Variants in LGSN observed in about 807,000 individuals in gnomAD.
The protein encoded by LGSN is lengsin, lens protein with glutamine synthetase domain, also known as lengsin.
In LGSN, 21 loss-of-function variants were observed where a neutral mutation model predicts 19.5. That is an observed-to-expected ratio of 1.07 (90% confidence interval 0.76 to 1.55). LGSN has a LOEUF of 1.55. LGSN is among the 40% of genes most tolerant of loss of function. LGSN has a pLI of 0.00. For missense variants in LGSN, 673 were observed against 608.5 expected, an observed-to-expected ratio of 1.11 and a Z score of -1.12; for synonymous variants, 257 against 215.6, an observed-to-expected ratio of 1.19 and a Z score of -1.68.
chr6:63,518,482 A>G, the LGSN span, among the ~76,000 whole-genome samples: 1 of 152,250 alleles, frequency 6.6e-6, no homozygotes, highest in Non-Finnish European at 1.5e-5. Flanking sequence ...GTAAAGGATA[A>G]CAACCATAGT....
At chr6:63,394,798 C>A in the LGSN span, among the ~76,000 whole-genome samples, 5 of 152,204 alleles carry the variant, frequency 3.3e-5, no homozygotes, top group Admixed American at 1.3e-4. Context: ...CCAGGACTGC[C>A]GGGTGCTGGC....
chr6:63,443,531 G>C, the LGSN span: 1 of 730,216 alleles, frequency 1.4e-6, no homozygotes, highest in Admixed American at 4.9e-5. Flanking sequence ...GTGACAATGT[G>C]GTCCAGGGTC....
At chr6:63,517,350 A>T in the LGSN span, among the ~76,000 whole-genome samples, 6 of 152,204 alleles carry the variant, frequency 3.9e-5, no homozygotes, top group African/African-American at 1.4e-4. Flanking sequence ...ACAGACCTGG[A>T]ATAGCTCCTA....
At chr6:63,373,222 T>C in the LGSN span, among the ~76,000 whole-genome samples, 1 of 152,282 alleles carries the variant, frequency 6.6e-6, no homozygotes, top group African/African-American at 2.4e-5. Flanking sequence ...GAGTGCTCAA[T>C]TAAGAAATGA....
At chr6:63,406,822 G>T in the LGSN span, among the ~76,000 whole-genome samples, 1 of 147,598 alleles carries the variant, frequency 6.8e-6, no homozygotes, top group Non-Finnish European at 1.5e-5. Context: ...TCAAATAGAC[G>T]CAATAAAAAA....
the LGSN span, among the ~76,000 whole-genome samples, chr6:63,483,101 G>C: frequency 1.3e-5 from 2 of 152,154 alleles, no homozygotes; most frequent in African/African-American, 4.8e-5. Flanking sequence ...CATCTCTATT[G>C]GGAATGCTTT....
At chr6:63,469,487 A>G in the LGSN span, among the ~76,000 whole-genome samples, 1 of 152,220 alleles carries the variant, frequency 6.6e-6, no homozygotes, top group East Asian at 1.9e-4. Flanking sequence ...CCAATATTCA[A>G]GACATGGTGG....
At chr6:63,480,810 A>G in the LGSN span, among the ~76,000 whole-genome samples, 1 of 132,724 alleles carries the variant, frequency 7.5e-6, no homozygotes, top group African/African-American at 2.6e-5. Flanking sequence ...AAAGGAAAAG[A>G]AGTCATTATA....
the LGSN span, among the ~76,000 whole-genome samples, chr6:63,433,637 G>A: frequency 6.6e-6 from 1 of 152,200 alleles, no homozygotes; most frequent in South Asian, 2.1e-4. Context: ...ATTTTATAAG[G>A]AACTTCTGCC....
At chr6:63,555,579 G>A in the LGSN span, among the ~76,000 whole-genome samples, 1 of 152,148 alleles carries the variant, frequency 6.6e-6, no homozygotes, top group African/African-American at 2.4e-5. Context: ...TAGTTATGGA[G>A]GATTTTGTCT....
At chr6:63,483,197 C>G in the LGSN span, among the ~76,000 whole-genome samples, 2 of 152,148 alleles carry the variant, frequency 1.3e-5, no homozygotes, top group East Asian at 3.9e-4. Context: ...TAGAGAAAGG[C>G]AACCCTTAGT....
At chr6:63,461,209 C>T in the LGSN span, among the ~76,000 whole-genome samples, 8 of 152,308 alleles carry the variant, frequency 5.3e-5, no homozygotes, top group African/African-American at 1.7e-4. Context: ...CACCACCATA[C>T]TGGGCTAATT....
chr6:63,443,568 G>T, the LGSN span: 5 of 1,045,894 alleles, frequency 4.8e-6, no homozygotes, highest in South Asian at 7.4e-5. Context: ...CCTCCAGACC[G>T]ACTCTCAGCA....
intron 1 of LGSN, among the ~76,000 whole-genome samples, chr6:63,310,414 A>G (rs879768484): frequency 1.1e-4 from 17 of 152,256 alleles, no homozygotes; most frequent in South Asian, 2.1e-4. Flanking sequence ...ACATTGTGGA[A>G]TGGCTAAATT....
the LGSN span, chr6:63,549,315 C>T: frequency 8.0e-6 from 6 of 752,998 alleles, no homozygotes; most frequent in South Asian, 2.7e-5. Flanking sequence ...GGCTCTCTGC[C>T]GCTGCAACCT....
chr6:63,314,600 T>G (rs945553390), intron 1 of LGSN, among the ~76,000 whole-genome samples: 5 of 152,172 alleles, frequency 3.3e-5, no homozygotes, highest in African/African-American at 1.2e-4. Context: ...TTTCACCCAA[T>G]AAATGGCAGA....
At chr6:63,475,448 G>A in the LGSN span, among the ~76,000 whole-genome samples, 1 of 152,030 alleles carries the variant, frequency 6.6e-6, no homozygotes, top group East Asian at 1.9e-4. Flanking sequence ...ACAAATCCTG[G>A]GGAAGTGATA....
At chr6:63,404,845 T>C in the LGSN span, among the ~76,000 whole-genome samples, 3 of 152,270 alleles carry the variant, frequency 2.0e-5, no homozygotes, top group Non-Finnish European at 1.5e-5. Context: ...AGGGTACATG[T>C]GCACAATGTG....
chr6:63,494,622 A>C, the LGSN span, among the ~76,000 whole-genome samples: 1 of 152,262 alleles, frequency 6.6e-6, no homozygotes, highest in Non-Finnish European at 1.5e-5. Flanking sequence ...AAAGCACTCT[A>C]TTCTACTTCT....
Sources: gnomAD v4.1 joint callset for allele counts (sites outside exome capture counted in the v4.1 genomes callset) on GRCh38, gnomAD v4.1.1 for gene constraint, MANE v1.5 for transcripts, NCBI Gene and HGNC (gene_info 2026-07-23, HGNC 2026-07-21) for gene names.